The following REV3L variants were observed in gnomAD, a reference collection of about 807,000 sequenced individuals.
The protein encoded by REV3L is REV3 like, DNA directed polymerase zeta catalytic subunit.
Under a neutral mutation model 299.4 loss-of-function variants are expected in REV3L, and 69 were observed. The observed-to-expected ratio is 0.23, with a 90% CI of 0.19 to 0.28. REV3L has a LOEUF of 0.28. Ranked by LOEUF, REV3L falls within the 10% of genes least tolerant of loss-of-function variation. The pLI is 1.00. For synonymous variants in REV3L, 1,238 were observed against 1,271.4 expected, an observed-to-expected ratio of 0.97 and a Z score of 0.56; for missense variants, 3,128 against 3,693.8, an observed-to-expected ratio of 0.85 and a Z score of 3.97.
intron 10 of REV3L, 25 bp downstream of exon 10, chr6:111,381,300 T>TA: frequency 6.2e-7 from 1 of 1,609,096 alleles, no homozygotes; most frequent in East Asian, 2.2e-5. Flanking sequence ...CAATACTGAA[T>TA]ATTTATGGTA....
chr6:111,444,378 A>G (rs1269548193), intron 1 of REV3L, among the ~76,000 whole-genome samples: 1 of 152,228 alleles, frequency 6.6e-6, no homozygotes, highest in East Asian at 1.9e-4. Context: ...AAAAGGCTTA[A>G]ACTACAAAAG....
At chr6:111,335,429 A>T in intron 22 of REV3L, 40 bp downstream of exon 22, 1 of 1,592,442 alleles carries the variant, frequency 6.3e-7, no homozygotes, top group Non-Finnish European at 8.5e-7. Context: ...TGTATCACTC[A>T]TACAGAACTT....
At chr6:111,322,297 C>T (rs1774272485) in intron 26 of REV3L, among the ~76,000 whole-genome samples, 1 of 152,176 alleles carries the variant, frequency 6.6e-6, no homozygotes, top group Admixed American at 6.5e-5. Context: ...CCTGTGTACA[C>T]AGTTAGTTTA....
chr6:111,338,719 C>T (rs1159311915), intron 21 of REV3L, among the ~76,000 whole-genome samples: 1 of 151,824 alleles, frequency 6.6e-6, no homozygotes, highest in African/African-American at 2.4e-5. Flanking sequence ...AGTGATTTGA[C>T]TAAGATCAAC....
chr6:111,382,807 G>A (rs1255553539), intron 9 of REV3L, among the ~76,000 whole-genome samples: 1 of 152,014 alleles, frequency 6.6e-6, no homozygotes, highest in Non-Finnish European at 1.5e-5. Context: ...AACCTTCACA[G>A]TCCCAGGCAG....
chr6:111,365,117 T>G (rs1779066795), intron 15 of REV3L, 148 bp downstream of exon 15: 2 of 510,356 alleles, frequency 3.9e-6, no homozygotes, highest in Non-Finnish European at 6.8e-6. Flanking sequence ...AAGGCAAATT[T>G]TTGTTGTCTC....
At chr6:111,382,182 A>C (rs1212609867) in intron 9 of REV3L, among the ~76,000 whole-genome samples, 1 of 152,180 alleles carries the variant, frequency 6.6e-6, no homozygotes, top group African/African-American at 2.4e-5. Context: ...TCCTCCAACA[A>C]TTGCCGTCCC....
chr6:111,300,111 C>T lies in REV3L; in HGVS notation c.9298G>A (p.Val3100Ile), dbSNP rs753990561. Residue 3100 changes from valine (V) to isoleucine (I), a missense_variant, in exon 32 of 32, where the codon GTT becomes ATT. Val to Ile is a conservative substitution (Grantham distance 29). Around this residue, in one of 9 missense-constraint regions of REV3L, gnomAD observed 294 missense variants for 377.0 expected, o/e 0.78. Transcript: ENST00000368802. ...AAAAGTACTGGGCAGTTCAGAGAAA[C>T]ACATGGGATGTGTCGATCAAAGCAA... ...TGCFDRHIPCVSLNCPVLFKL... is the reference protein window; with the variant it reads ...TGCFDRHIPCISLNCPVLFKL... 1 of 1,613,152 alleles carries T rather than the reference C, an allele frequency of 6.2e-7. No homozygotes were observed. The highest frequency in any genetic ancestry group is 1.1e-5 in the South Asian group (1 of 90,820).
At chr6:111,421,521 C>G (rs1480899792) in intron 1 of REV3L, among the ~76,000 whole-genome samples, 1 of 152,104 alleles carries the variant, frequency 6.6e-6, no homozygotes, top group Non-Finnish European at 1.5e-5. Flanking sequence ...CAAAAACACG[C>G]AACATGAGGG....
rs906385479 is a variant in REV3L, at chr6:111,387,631, G to A, written c.1096+134C>T. 46 of 756,368 alleles carry A rather than the reference G, an allele frequency of 6.1e-5. 1 individual carries two copies. The South Asian group carries it at 8.7e-4, about 14-fold the overall frequency. 46.9% of individuals were successfully genotyped at this position (756,368 alleles called of 1,614,324 possible). On this transcript the variant is annotated intron_variant, in intron 9 of 31. Transcript: ENST00000368802. ...GAGATGTAGAAAGGGTGACAGAATG[G>A]GAGAAATTTTTGCTATATCCACAAT...
intron 2 of REV3L, chr6:111,412,250 A>C: frequency 3.0e-6 from 3 of 985,356 alleles, no homozygotes; most frequent in Non-Finnish European, 3.6e-6. Flanking sequence ...GGACTTACTT[A>C]AGCAACATAA....
At position 111,311,190 on chromosome 6, in the gene REV3L, G is replaced by A. The variant is rs1260825564; in HGVS notation, c.8674C>T (p.Arg2892Ter). 5 of 1,613,792 alleles carry A rather than the reference G, an allele frequency of 3.1e-6. No individual in the cohort carries two copies. The highest frequency in any genetic ancestry group is 3.4e-6 in the Non-Finnish European group (4 of 1,179,852). ...CCTTCCAGAAGCTTCATACATTGTC[G>A]CTGAACATACTGTTTAATTAGACTT... ...DISLIKQYVQ[R>*]QCMKLLEGKA... is the part of the protein sequence containing the mutation. The change falls in exon 29 of 32, where the codon CGA (arginine) becomes TGA (stop). Residue 2892 changes from arginine to a stop codon, truncating the protein, a stop_gained. Transcript: ENST00000368802. LOFTEE classifies it high-confidence loss of function.
In REV3L at chr6:111,411,460, G is replaced by A; in HGVS notation, c.404+20C>T. 6.4e-6 allele frequency: 9 copies of A among 1,401,678 alleles called. No homozygotes were observed. The highest frequency in any genetic ancestry group is 2.0e-5 in the Admixed American group (1 of 49,954). The allele number at this position is 1,401,678 out of a possible 1,614,324, so 86.8% of individuals were successfully genotyped here. ...CTTCAATGATAGTTATTCATATTTT[G>A]GTTTCATTTATCTTTGTACCTTTTC... On this transcript the variant is annotated intron_variant, in intron 3 of 31. Coordinates refer to ENST00000368802, the MANE Select transcript of REV3L (RefSeq NM_001372078.1).
chr6:111,431,412 C>G, intron 1 of REV3L: 2 of 990,736 alleles, frequency 2.0e-6, no homozygotes, highest in Non-Finnish European at 3.3e-6. Context: ...CTTTGGCGTT[C>G]CGGTTAAAGT....
rs181296142 is a variant in REV3L at position 111,475,995 on chromosome 6, T to A, written c.139+6755A>T. On this transcript the variant is annotated intron_variant, in intron 1 of 31. Coordinates refer to ENST00000368802, the MANE Select transcript of REV3L (RefSeq NM_001372078.1). ...TCCCTACTCATAAATGAAGGTGGGA[T>A]CCATTTTCATATACAAGTTGAATAC... 1.7e-3 allele frequency among the ~76,000 whole-genome samples: 259 copies of A among 152,340 alleles called. 1 individual carries two copies. Among genetic ancestry groups the A allele is most frequent in the African/African-American group, 6.0e-3 (248 of 41,570 alleles).
chr6:111,354,452 G>C (rs929320505), intron 18 of REV3L, among the ~76,000 whole-genome samples: 2 of 152,122 alleles, frequency 1.3e-5, no homozygotes, highest in Non-Finnish European at 2.9e-5. Flanking sequence ...GCGCTTCTCA[G>C]ATTTATTTCA....
At chr6:111,398,260 T>C (rs1340069906) in intron 4 of REV3L, among the ~76,000 whole-genome samples, 1 of 151,938 alleles carries the variant, frequency 6.6e-6, no homozygotes, top group Non-Finnish European at 1.5e-5. Context: ...AAATAATATA[T>C]AACTTATGTG....
chr6:111,386,557 A>T (rs1781363318), intron 9 of REV3L, among the ~76,000 whole-genome samples: 1 of 152,156 alleles, frequency 6.6e-6, no homozygotes, highest in Non-Finnish European at 1.5e-5. Context: ...TAAAAATTAA[A>T]CACAAATATA....
In REV3L at chr6:111,363,955, G is replaced by T; in HGVS notation, c.6777C>A (p.Thr2259=). 2 of 1,611,334 alleles carry T rather than the reference G, an allele frequency of 1.2e-6. No homozygotes were observed. The highest frequency in any genetic ancestry group is 1.7e-6 in the Non-Finnish European group (2 of 1,179,010). ...CAATCTGAGAAGTTTCTTTCTGTGG[G>T]GTATTTACTGCTGCAAATTGATTCT... ...QAKNQFAAVN[T]PQKETSQIDG... is the part of the protein sequence containing the mutation. The change falls in exon 16 of 32, where the codon ACC becomes ACA. Residue 2259 remains threonine, a synonymous_variant. Transcript: ENST00000368802.
Sources: gnomAD v4.1 joint callset for allele counts (sites outside exome capture counted in the v4.1 genomes callset) on GRCh38, gnomAD v4.1.1 for gene constraint, gnomAD v4.1.1 regional missense constraint, MANE v1.5 for transcripts, NCBI Gene and HGNC (gene_info 2026-07-23, HGNC 2026-07-21) for gene names.